Variants in KLHL29 observed in about 807,000 individuals in gnomAD.
KLHL29 encodes kelch like family member 29.
A neutral mutation model predicts 80.4 loss-of-function variants in KLHL29; 21 were observed. The observed-to-expected ratio is 0.26, with a 90% CI of 0.19 to 0.38. The LOEUF (loss-of-function observed/expected upper bound fraction) is 0.38. Among genes scored for constraint, KLHL29 ranks in the 10% least tolerant of loss-of-function variants. The pLI is 1.00. For synonymous variants in KLHL29, 511 were observed against 526.8 expected, an observed-to-expected ratio of 0.97 and a Z score of 0.41; for missense variants, 867 against 1,223.9, an observed-to-expected ratio of 0.71 and a Z score of 4.35.
At chr2:23,511,281 C>T (rs971436029) in intron 2 of KLHL29, among the ~76,000 whole-genome samples, 7 of 152,166 alleles carry the variant, frequency 4.6e-5, no homozygotes, top group African/African-American at 1.2e-4. Flanking sequence ...GAAGTGCCAT[C>T]GCATGGGTAA....
At chr2:23,571,767 A>G (rs1410804215) in intron 3 of KLHL29, among the ~76,000 whole-genome samples, 2 of 152,188 alleles carry the variant, frequency 1.3e-5, no homozygotes, top group Non-Finnish European at 2.9e-5. Context: ...CAGTGGAGAA[A>G]ACAAGAGAGT....
At chr2:23,636,605 A>AAG in intron 3 of KLHL29, among the ~76,000 whole-genome samples, 1 of 152,140 alleles carries the variant, frequency 6.6e-6, no homozygotes, top group African/African-American at 2.4e-5. Context: ...GAGTCCTCCC[A>AAG]CTGTCCCACA....
At chr2:23,505,406 C>T (rs1307750215) in intron 2 of KLHL29, among the ~76,000 whole-genome samples, 7 of 152,244 alleles carry the variant, frequency 4.6e-5, no homozygotes, top group Non-Finnish European at 2.9e-5. Context: ...GCCTCTCCAG[C>T]TCTCTGCACC....
At chr2:23,411,108 A>ATAAAGATG (rs1666848421) in intron 1 of KLHL29, among the ~76,000 whole-genome samples, 1 of 152,214 alleles carries the variant, frequency 6.6e-6, no homozygotes, top group South Asian at 2.1e-4. Context: ...AGTGGCATGG[A>ATAAAGATG]TAAAGATGGT....
chr2:23,488,171 C>T (rs1664985096), intron 2 of KLHL29, among the ~76,000 whole-genome samples: 2 of 152,268 alleles, frequency 1.3e-5, no homozygotes, highest in South Asian at 2.1e-4. Flanking sequence ...CGCAATAACA[C>T]ACCTCCTGCC....
chr2:23,613,862 C>A (rs1315149888), intron 3 of KLHL29, among the ~76,000 whole-genome samples: 1 of 147,696 alleles, frequency 6.8e-6, no homozygotes, highest in Non-Finnish European at 1.5e-5. Flanking sequence ...GAAAATAAAT[C>A]TTGGGACTCC....
intron 5 of KLHL29, among the ~76,000 whole-genome samples, chr2:23,666,029 C>T (rs911239073): frequency 1.3e-5 from 2 of 152,334 alleles, no homozygotes; most frequent in East Asian, 1.9e-4. Flanking sequence ...CCACACCTCA[C>T]CCCAAGTTGT....
intron 5 of KLHL29, chr2:23,672,078 G>A (rs1468649132): frequency 6.6e-6 from 1 of 152,282 alleles, no homozygotes; most frequent in Non-Finnish European, 1.5e-5. Context: ...GGCCCTGGGG[G>A]AGCATAGCTT....
At chr2:23,663,706 T>A (rs1670481774) in intron 5 of KLHL29, among the ~76,000 whole-genome samples, 1 of 152,222 alleles carries the variant, frequency 6.6e-6, no homozygotes. Flanking sequence ...ATCTGCGATA[T>A]AAATAAACTT....
rs1558432920 is a variant in KLHL29, at chr2:23,670,968, CT to C, written c.941-13430del. Among the ~76,000 whole-genome samples the C allele has an allele frequency of 3.3e-4, 8 of 24,438 alleles. 1 individual carries two copies. Among genetic ancestry groups the C allele is most frequent in the Admixed American group, 2.5e-3 (5 of 2,038 alleles). 16.0% of individuals were successfully genotyped at this position (24,438 alleles called of 152,430 possible). ...TCTCTCTCTCTCTCTCTCTCTCTCT[CT>C]CTCTCTCTCTCCCTCCCTCCCTCCC... On this transcript the variant is annotated intron_variant, in intron 5 of 13. Transcript: ENST00000486442.
At chr2:23,685,995 A>G (rs1164684318) in intron 6 of KLHL29, among the ~76,000 whole-genome samples, 1 of 152,148 alleles carries the variant, frequency 6.6e-6, no homozygotes, top group African/African-American at 2.4e-5. Flanking sequence ...GGGCCCTCGG[A>G]TGGCTTTCAG....
At position 23,418,370 on chromosome 2, in the gene KLHL29, G is replaced by A. The variant is rs942659558; in HGVS notation, c.-154+32590G>A. Reference sequence around the variant, plus strand: ...AGGCTGGCAATCCCTAGCTGGGTCTGGGGGCAGATCCTTCCTGACTCCCAC... The same window carrying A: ...AGGCTGGCAATCCCTAGCTGGGTCTAGGGGCAGATCCTTCCTGACTCCCAC... On this transcript the variant is annotated intron_variant, in intron 1 of 13. Coordinates refer to ENST00000486442, the MANE Select transcript of KLHL29 (RefSeq NM_052920.2). 5.3e-5 allele frequency among the ~76,000 whole-genome samples: 8 copies of A among 152,228 alleles called. No homozygotes were observed. The East Asian group carries it at 1.6e-3, about 30-fold the overall frequency.
intron 2 of KLHL29, among the ~76,000 whole-genome samples, chr2:23,541,039 A>G (rs925986289): frequency 5.9e-5 from 9 of 152,236 alleles, no homozygotes; most frequent in African/African-American, 2.2e-4. Context: ...ACACCCAGCC[A>G]TAGCTAATGG....
chr2:23,567,332 A>C (rs960884119), intron 3 of KLHL29, among the ~76,000 whole-genome samples: 4 of 152,226 alleles, frequency 2.6e-5, no homozygotes, highest in Non-Finnish European at 5.9e-5. Context: ...AGGAGCACTC[A>C]TGCTGAAACA....
intron 2 of KLHL29, among the ~76,000 whole-genome samples, chr2:23,488,384 AGTCTC>A (rs1255775999): frequency 6.6e-6 from 1 of 152,224 alleles, no homozygotes; most frequent in Non-Finnish European, 1.5e-5. Flanking sequence ...TCTCCCGCTC[AGTCTC>A]GTCTCAGCAC....
intron 2 of KLHL29, among the ~76,000 whole-genome samples, chr2:23,524,925 A>G (rs993618960): frequency 6.6e-6 from 1 of 152,232 alleles, no homozygotes; most frequent in Admixed American, 6.5e-5. Context: ...TGCTGCCTGT[A>G]ATTTTTTTTA....
chr2:23,400,688 A>T (rs1422115090), intron 1 of KLHL29, among the ~76,000 whole-genome samples: 2 of 152,032 alleles, frequency 1.3e-5, no homozygotes, highest in Non-Finnish European at 2.9e-5. Context: ...AAAAAATGTT[A>T]AATTAGCCAG....
intron 3 of KLHL29, among the ~76,000 whole-genome samples, chr2:23,572,703 T>G (rs1343134554): frequency 6.7e-6 from 1 of 149,786 alleles, no homozygotes; most frequent in Non-Finnish European, 1.5e-5. Flanking sequence ...GTGATTTCTT[T>G]TTTTTTTTTT....
rs542511369 is a variant in KLHL29, at chr2:23,474,901, G to A, written c.-153-659G>A. Among the ~76,000 whole-genome samples, 148 of 151,840 alleles carry A rather than the reference G, an allele frequency of 9.7e-4. 1 individual carries two copies. Among genetic ancestry groups the A allele is most frequent in the Non-Finnish European group, 1.7e-3 (113 of 67,964 alleles). On this transcript the variant is annotated intron_variant, in intron 1 of 13. Coordinates refer to ENST00000486442, the MANE Select transcript of KLHL29 (RefSeq NM_052920.2). ...TTTGCAGTGGGGGATGCCATTTCCCGTTGTGAAGATGGCTTTCTCATAGAT... is the reference window on the plus strand; with the variant it reads ...TTTGCAGTGGGGGATGCCATTTCCCATTGTGAAGATGGCTTTCTCATAGAT...
Sources: allele counts gnomAD v4.1 joint callset (sites outside exome capture counted in the v4.1 genomes callset), GRCh38; gene constraint gnomAD v4.1.1; transcripts MANE v1.5; gene names NCBI Gene and HGNC (gene_info 2026-07-23, HGNC 2026-07-21).